The following NEDD4L variants were observed in gnomAD, a reference collection of about 807,000 sequenced individuals.
The protein encoded by NEDD4L is NEDD4 like E3 ubiquitin protein ligase, also known as E3 ubiquitin-protein ligase NEDD4-like.
A neutral mutation model predicts 148.9 loss-of-function variants in NEDD4L; 54 were observed. The observed-to-expected ratio is 0.36, with a 90% CI of 0.29 to 0.45. The LOEUF (loss-of-function observed/expected upper bound fraction) is 0.45. Ranked by LOEUF, NEDD4L falls within the 20% of genes least tolerant of loss-of-function variation. The pLI, the probability that NEDD4L is intolerant of heterozygous loss-of-function variation, is 1.00. For missense variants in NEDD4L, 856 were observed against 1,233.8 expected, an observed-to-expected ratio of 0.69 and a Z score of 4.59; for synonymous variants, 433 against 440.7, an observed-to-expected ratio of 0.98 and a Z score of 0.22.
intron 5 of NEDD4L, chr18:58,255,831 G>A: frequency 8.1e-7 from 1 of 1,232,650 alleles, no homozygotes; most frequent in East Asian, 3.2e-5. Context: ...GGAGGCGTGG[G>A]TGCGCTTAAG....
chr18:58,317,405 T>G (rs2058386993), intron 6 of NEDD4L, among the ~76,000 whole-genome samples: 1 of 152,218 alleles, frequency 6.6e-6, no homozygotes, highest in Non-Finnish European at 1.5e-5. Flanking sequence ...CTCTCACACT[T>G]TTAGACAGTG....
intron 16 of NEDD4L, among the ~76,000 whole-genome samples, chr18:58,343,712 AC>A (rs1244384482): frequency 6.6e-6 from 1 of 152,180 alleles, no homozygotes; most frequent in African/African-American, 2.4e-5. Context: ...CCTGAATTGT[AC>A]CCAAGAAAGA....
chr18:58,105,816 T>TG (rs1051653305), intron 1 of NEDD4L, among the ~76,000 whole-genome samples: 4 of 152,202 alleles, frequency 2.6e-5, no homozygotes, highest in Non-Finnish European at 5.9e-5. Context: ...TGGTACTTTT[T>TG]GGAAGGAAAG....
chr18:58,132,049 C>G (rs547155337), intron 1 of NEDD4L, among the ~76,000 whole-genome samples: 1 of 152,340 alleles, frequency 6.6e-6, no homozygotes, highest in East Asian at 1.9e-4. Flanking sequence ...AGCTCCTTCT[C>G]CTTTCTGAAG....
At position 58,329,123 on chromosome 18, in the gene NEDD4L, C is replaced by T. The variant is rs2059572434; in HGVS notation, c.809C>T (p.Pro270Leu). 6.2e-7 allele frequency: 1 copy of T among 1,613,650 alleles called. No homozygotes were observed. Among genetic ancestry groups the T allele is most frequent in the Non-Finnish European group, 8.5e-7 (1 of 1,179,812 alleles). ...EPEPSEGGDVPEPWETISEEV... is the reference protein window; with the variant it reads ...EPEPSEGGDVLEPWETISEEV... Reference sequence around the variant, plus strand: ...GAGCCCTCGGAGGGCGGGGATGTCCCCGAGGTACGATGTCCCCAGAATGGT... The same window carrying T: ...GAGCCCTCGGAGGGCGGGGATGTCCTCGAGGTACGATGTCCCCAGAATGGT... The change falls in exon 10 of 31, where the codon CCC becomes CTC. Residue 270 changes from proline to leucine, a missense_variant. Transcript: ENST00000400345.
At chr18:58,117,663 T>C (rs1323247382) in intron 1 of NEDD4L, among the ~76,000 whole-genome samples, 2 of 152,154 alleles carry the variant, frequency 1.3e-5, no homozygotes, top group African/African-American at 4.8e-5. Context: ...TACATTTGCG[T>C]TGAAAAACGT....
chr18:58,322,566 C>G (rs2058902746), intron 7 of NEDD4L, 80 bp downstream of exon 7: 1 of 601,232 alleles, frequency 1.7e-6, no homozygotes, highest in Non-Finnish European at 2.7e-6. Flanking sequence ...GCCCTGCGTG[C>G]TGTGGATATG....
intron 24 of NEDD4L, among the ~76,000 whole-genome samples, chr18:58,374,984 TCTC>T (rs1272121007): frequency 1.3e-5 from 2 of 152,132 alleles, no homozygotes; most frequent in Admixed American, 6.5e-5. Flanking sequence ...CTCAACTGCT[TCTC>T]CTGAGAGGCT....
chr18:58,393,343 T>C (rs1402177295), intron 30 of NEDD4L, among the ~76,000 whole-genome samples: 1 of 152,184 alleles, frequency 6.6e-6, no homozygotes, highest in Non-Finnish European at 1.5e-5. Flanking sequence ...TTGGACTTCA[T>C]TGGTCTGGTG....
At chr18:58,262,532 G>C (rs949627400) in intron 5 of NEDD4L, among the ~76,000 whole-genome samples, 1 of 151,990 alleles carries the variant, frequency 6.6e-6, no homozygotes, top group Non-Finnish European at 1.5e-5. Context: ...GAGAGGCTGA[G>C]GTGGGAGGAT....
intron 5 of NEDD4L, among the ~76,000 whole-genome samples, chr18:58,289,537 G>A (rs767095198): frequency 1.6e-4 from 24 of 152,164 alleles, no homozygotes; most frequent in Non-Finnish European, 3.2e-4. Flanking sequence ...AGTGTGTTTT[G>A]GACACAGCCT....
rs746906529 is a variant in NEDD4L, at chr18:58,316,576, G to A, written c.348+544G>A. Reference sequence around the variant, plus strand: ...TTGTCAGCTGGGAACACCCACCCTCGCTGGAACACGCACTGAGTTAGCATG... The same window carrying A: ...TTGTCAGCTGGGAACACCCACCCTCACTGGAACACGCACTGAGTTAGCATG... On this transcript the variant is annotated intron_variant, in intron 6 of 30. Transcript: ENST00000400345. Among the ~76,000 whole-genome samples the A allele has an allele frequency of 8.1e-4, 123 of 152,196 alleles. 1 individual carries two copies. The highest frequency in any genetic ancestry group is 6.3e-4 in the Non-Finnish European group (43 of 68,030).
chr18:58,262,947 G>T (rs1374370782), intron 5 of NEDD4L, among the ~76,000 whole-genome samples: 1 of 152,164 alleles, frequency 6.6e-6, no homozygotes. Context: ...GGAATCAATT[G>T]TATTTCAAGA....
At chr18:58,063,345 C>T (rs938967150) in intron 1 of NEDD4L, among the ~76,000 whole-genome samples, 4 of 152,042 alleles carry the variant, frequency 2.6e-5, no homozygotes, top group Admixed American at 2.6e-4. Context: ...TCATGAGCCA[C>T]CACACCTGGC....
chr18:58,087,775 G>A (rs2083838432), intron 1 of NEDD4L, among the ~76,000 whole-genome samples: 1 of 152,234 alleles, frequency 6.6e-6, no homozygotes, highest in Non-Finnish European at 1.5e-5. Flanking sequence ...TCGGGAGGCT[G>A]AGGCAGGAGA....
chr18:58,277,417 A>C (rs2052301854), intron 5 of NEDD4L, among the ~76,000 whole-genome samples: 1 of 152,042 alleles, frequency 6.6e-6, no homozygotes, highest in Admixed American at 6.6e-5. Flanking sequence ...AGTGCTTGGC[A>C]GGTTGTTTAG....
At chr18:58,125,063 AT>A (rs1197450196) in intron 1 of NEDD4L, among the ~76,000 whole-genome samples, 1 of 152,110 alleles carries the variant, frequency 6.6e-6, no homozygotes, top group East Asian at 1.9e-4. Context: ...CCACCAGCTA[AT>A]TTATTAAAAA....
intron 2 of NEDD4L, among the ~76,000 whole-genome samples, chr18:58,169,648 C>T (rs952741511): frequency 2.0e-5 from 3 of 152,204 alleles, no homozygotes; most frequent in African/African-American, 7.2e-5. Context: ...GAAGTAAAAC[C>T]CTGCTCAAAA....
chr18:58,069,679 A>G lies in NEDD4L; in HGVS notation c.48+24971A>G, dbSNP rs114746268. Among the ~76,000 whole-genome samples the G allele has an allele frequency of 8.2e-3, 1,244 of 152,314 alleles. 14 individuals carry two copies. The highest frequency in any genetic ancestry group is 0.028 in the African/African-American group (1,159 of 41,572). ...ATCCCACTGAAATTTCACCCCCAGT[A>G]CAGATTAGGGCCTTGGAATGCTGGA... On this transcript the variant is annotated intron_variant, in intron 1 of 30. Coordinates refer to ENST00000400345, the MANE Select transcript of NEDD4L (RefSeq NM_001144967.3).
Sources: allele counts gnomAD v4.1 joint callset (sites outside exome capture counted in the v4.1 genomes callset), GRCh38; gene constraint gnomAD v4.1.1; transcripts MANE v1.5; gene names NCBI Gene and HGNC (gene_info 2026-07-23, HGNC 2026-07-21).